The following ZNF610 variants were observed in gnomAD, a reference collection of about 807,000 sequenced individuals.
ZNF610 encodes the protein zink finger protein.
In ZNF610, 14 loss-of-function variants were observed where a neutral mutation model predicts 14.1. The ratio of observed to expected loss-of-function variants is 0.99; its 90% CI spans 0.65 to 1.55. The LOEUF (loss-of-function observed/expected upper bound fraction) is 1.55. Among genes scored for constraint, ZNF610 ranks in the 40% most tolerant of loss-of-function variants. ZNF610 has a pLI of 0.00. For synonymous variants in ZNF610, 185 were observed against 187.6 expected, an observed-to-expected ratio of 0.99 and a Z score of 0.11; for missense variants, 530 against 558.0, an observed-to-expected ratio of 0.95 and a Z score of 0.51.
intron 3 of ZNF610, among the ~76,000 whole-genome samples, chr19:52,353,320 C>A (rs1985349424): frequency 6.6e-6 from 1 of 152,136 alleles, no homozygotes; most frequent in African/African-American, 2.4e-5. Flanking sequence ...TCAATAAACT[C>A]CATTGGGCTT....
intron 3 of ZNF610, among the ~76,000 whole-genome samples, 196 bp from the exon 4 acceptor site, chr19:52,353,486 A>G (rs966633825): frequency 2.0e-5 from 3 of 152,212 alleles, no homozygotes; most frequent in African/African-American, 7.2e-5. Context: ...TGGGCAACCT[A>G]GTAAAACCCC....
At position 52,366,292 on chromosome 19, in the gene ZNF610, C is replaced by T. The variant is rs1458735496; in HGVS notation, c.914C>T (p.Thr305Ile). The T allele has an allele frequency of 6.2e-7, 1 of 1,613,200 alleles. No homozygotes were observed. Among genetic ancestry groups the T allele is most frequent in the Admixed American group, 1.7e-5 (1 of 59,972 alleles). Residue 305 changes from threonine to isoleucine, a missense_variant, in exon 6 of 6, where the codon ACC (threonine) becomes ATC (isoleucine). By Grantham distance (89) the Thr-to-Ile change is moderately conservative (BLOSUM62 -1). Coordinates refer to ENST00000403906, the MANE Select transcript of ZNF610 (RefSeq NM_001161425.2). The part of the protein sequence containing the change: ...KAFRECSGLT[T>I]HLVIHTGEKP... ...TTTAGAGAGTGTTCGGGACTTACTACCCATCTTGTAATCCATACTGGAGAG... is the reference window on the plus strand; with the variant it reads ...TTTAGAGAGTGTTCGGGACTTACTATCCATCTTGTAATCCATACTGGAGAG...
chr19:52,353,008 G>C (rs1179311836), intron 3 of ZNF610, among the ~76,000 whole-genome samples: 1 of 151,802 alleles, frequency 6.6e-6, no homozygotes, highest in Non-Finnish European at 1.5e-5. Context: ...GTGCGATCTC[G>C]GCTCACTGCA....
At chr19:52,365,049 CA>C (rs1985951966) in intron 5 of ZNF610, among the ~76,000 whole-genome samples, 4 of 151,996 alleles carry the variant, frequency 2.6e-5, no homozygotes, top group Admixed American at 2.6e-4. Context: ...AGTTTGAGAC[CA>C]GTCTGGCCAA....
chr19:52,354,177 C>T, intron 4 of ZNF610, 74 bp from the exon 5 acceptor site: 1 of 1,579,564 alleles, frequency 6.3e-7, no homozygotes, highest in South Asian at 1.2e-5. Context: ...GCGATATCCC[C>T]TCTCTTACCT....
At chr19:52,355,127 A>G (rs558579950) in intron 5 of ZNF610, among the ~76,000 whole-genome samples, 2 of 152,292 alleles carry the variant, frequency 1.3e-5, no homozygotes, top group East Asian at 1.9e-4. Context: ...CTTTTGTTCC[A>G]TGATTCTGAA....
In ZNF610 at chr19:52,366,984, G is replaced by T. The variant is rs1986132017; in HGVS notation, c.*217G>T. On this transcript the variant is annotated 3_prime_UTR_variant, in exon 6 of 6. Transcript: ENST00000403906. ...GAGAGAACAGTTATATCAGAATAGA[G>T]CATTTAATGAAAACTACCAGTATAG... 9 of 491,222 alleles carry T rather than the reference G, an allele frequency of 1.8e-5. No homozygotes were observed. The highest frequency in any genetic ancestry group is 1.8e-5 in the Non-Finnish European group (5 of 283,078). 30.4% of individuals were successfully genotyped at this position (491,222 alleles called of 1,614,324 possible).
intron 2 of ZNF610, 73 bp from the exon 3 acceptor site, chr19:52,349,079 CTG>C (rs1467114884): frequency 2.8e-6 from 3 of 1,063,434 alleles, no homozygotes; most frequent in Non-Finnish European, 4.3e-6. Context: ...TAGGTCTAAC[CTG>C]TGTGTGTGGT....
At position 52,353,822 on chromosome 19, in the gene ZNF610, C is replaced by G; in HGVS notation, c.190+14C>G. The G allele has an allele frequency of 6.2e-7, 1 of 1,606,042 alleles. No individual in the cohort carries two copies. The highest frequency in any genetic ancestry group is 8.5e-7 in the Non-Finnish European group (1 of 1,177,616). ...TGGTCTTTCTGGGTGAGGATGACTT[C>G]CCTCCAGAAGCCGGGATCTGCTCTA... On this transcript the variant is annotated intron_variant, in intron 4 of 5. Coordinates refer to ENST00000403906, the MANE Select transcript of ZNF610 (RefSeq NM_001161425.2).
intron 3 of ZNF610, 119 bp from the exon 4 acceptor site, chr19:52,353,563 T>G: frequency 9.1e-7 from 1 of 1,103,758 alleles, no homozygotes; most frequent in Non-Finnish European, 1.3e-6. Context: ...GAATTGAAGT[T>G]TCTATGTTTT....
In ZNF610 at chr19:52,347,769, TG is replaced by T. The variant is rs1985032465; in HGVS notation, c.-194del. On this transcript the variant is annotated 5_prime_UTR_variant, in exon 2 of 6. The change abolishes the stop of an existing upstream ORF in the 5' untranslated region. Transcript: ENST00000403906. ...AAATTCTGGAGTCAAGCAGTCTGCC[TG>T]CCTCGTTCTCCAAACGTGCTGGGAT... 6.6e-6 allele frequency: 1 copy of T among 152,220 alleles called. No homozygotes were observed. Among genetic ancestry groups the T allele is most frequent in the African/African-American group, 2.4e-5 (1 of 41,456 alleles). The allele number at this position is 152,220 out of a possible 1,614,324, so 9.4% of individuals were successfully genotyped here.
intron 1 of ZNF610, among the ~76,000 whole-genome samples, chr19:52,338,119 G>C (rs936923278): frequency 2.6e-5 from 4 of 152,204 alleles, no homozygotes; most frequent in African/African-American, 9.6e-5. Context: ...GTTAGCCTCA[G>C]ATTCTACAGG....
Position 52,365,871 on chromosome 19 carries a change from C to CA in ZNF610, c.499dup (p.Ile167AsnfsTer4). Reference sequence around the variant, plus strand: ...CCATCGTTCCTCAGTTTCACCACTTCAAAAAATTTCTTCTAGTTTCACAAC... The same window carrying CA: ...CCATCGTTCCTCAGTTTCACCACTTCAAAAAAATTTCTTCTAGTTTCACAAC... On this transcript the variant is annotated frameshift_variant, in exon 6 of 6. Coordinates refer to ENST00000403906, the MANE Select transcript of ZNF610 (RefSeq NM_001161425.2). LOFTEE classifies it low-confidence loss of function (END_TRUNC). The CA allele has an allele frequency of 6.2e-7, 1 of 1,612,460 alleles. No individual in the cohort carries two copies. Among genetic ancestry groups the CA allele is most frequent in the African/African-American group, 1.3e-5 (1 of 74,918 alleles).
intron 5 of ZNF610, among the ~76,000 whole-genome samples, chr19:52,359,779 G>A (rs1430409233): frequency 6.6e-6 from 1 of 152,084 alleles, no homozygotes; most frequent in Non-Finnish European, 1.5e-5. Context: ...ACGGGTTGAG[G>A]GCTCAGTGTC....
chr19:52,332,051 C>T (rs115894948), upstream of ZNF610, among the ~76,000 whole-genome samples: 1,680 of 152,258 alleles, frequency 0.011, 37 homozygotes, highest in African/African-American at 0.039. This position sits in a 1 kb window ranked among gnomAD's most constrained non-coding sequence, Gnocchi z 4.1. Context: ...CTGAAATTGA[C>T]AAGGTGAACA....
intron 1 of ZNF610, among the ~76,000 whole-genome samples, chr19:52,346,677 C>T (rs1984976157): frequency 6.6e-6 from 1 of 152,138 alleles, no homozygotes; most frequent in African/African-American, 2.4e-5. Flanking sequence ...AAAAAATAAG[C>T]AAGTAAACCA....
In ZNF610 at chr19:52,366,440, T is replaced by C; in HGVS notation, c.1062T>C (p.Ser354=). The C allele has an allele frequency of 6.2e-7, 1 of 1,614,194 alleles. No homozygotes were observed. The highest frequency in any genetic ancestry group is 8.5e-7 in the Non-Finnish European group (1 of 1,180,028). The change falls in exon 6 of 6, where the codon AGT becomes AGC. Residue 354 remains serine (S), a synonymous_variant. Coordinates refer to ENST00000403906, the MANE Select transcript of ZNF610 (RefSeq NM_001161425.2). The stretch of plus-strand genomic sequence containing the variant: ...GTAATGAATGTGGCAAGGTCTTTAG[T>C]CTGCTTTCATACCTTGCACGGCATC... ...YKCNECGKVF[S]LLSYLARHQI...
intron 5 of ZNF610, among the ~76,000 whole-genome samples, chr19:52,358,777 G>GT (rs1985649289): frequency 6.6e-6 from 1 of 152,108 alleles, no homozygotes; most frequent in African/African-American, 2.4e-5. Context: ...GAGTTTTATG[G>GT]TTTTAGGTCT....
In ZNF610 at chr19:52,346,443, G is replaced by A. The variant is rs1024099846; in HGVS notation, c.-257-1264G>A. Among the ~76,000 whole-genome samples, 13 of 152,038 alleles carry A rather than the reference G, an allele frequency of 8.6e-5. 1 individual carries two copies. The highest frequency in any genetic ancestry group is 2.9e-4 in the African/African-American group (12 of 41,400). ...CTCCCAATGTGTTAGGATTACAGGC[G>A]TGAGCATGGGGCCCAGACTAACGTT... On this transcript the variant is annotated intron_variant, in intron 1 of 5. Transcript: ENST00000403906.
Sources: gnomAD v4.1 joint callset for allele counts (sites outside exome capture counted in the v4.1 genomes callset) on GRCh38, gnomAD v4.1.1 for gene constraint, Gnocchi (gnomAD v3.1) non-coding constraint, MANE v1.5 for transcripts, NCBI Gene and HGNC (gene_info 2026-07-23, HGNC 2026-07-21) for gene names.